Variants in MSH3 observed in about 807,000 individuals in gnomAD.
MSH3 encodes DNA mismatch repair protein Msh3.
Under a neutral mutation model 123.3 loss-of-function variants are expected in MSH3, and 106 were observed. That is an observed-to-expected ratio of 0.86 (90% CI 0.73 to 1.01). The LOEUF (loss-of-function observed/expected upper bound fraction) is 1.01, where lower values mean the gene tolerates loss of function less well. MSH3 is among the 50% of genes least tolerant of loss of function. The probability of loss-of-function intolerance (pLI) is 0.00; values close to 1 mark genes in which losing one functional copy is unlikely to be tolerated. For missense variants in MSH3, 1,459 were observed against 1,347.6 expected (o/e 1.08, Z -1.29); for synonymous variants, 515 against 481.4 (o/e 1.07, Z -0.91).
At chr5:80,814,251 A>G (rs1311507232) in intron 20 of MSH3, among the ~76,000 whole-genome samples, 1 of 151,912 alleles carries the variant, frequency 6.6e-6, no homozygotes, top group African/African-American at 2.4e-5. Context: ...ATTTTTAATT[A>G]TTGAGTTATT....
At chr5:80,848,649 AC>A (rs1215768066) in intron 20 of MSH3, among the ~76,000 whole-genome samples, 2 of 152,184 alleles carry the variant, frequency 1.3e-5, no homozygotes, top group African/African-American at 4.8e-5. Flanking sequence ...CGTTTTTAAA[AC>A]TATCAGATCT....
chr5:80,697,750 T>G (rs1163259933), intron 8 of MSH3, among the ~76,000 whole-genome samples: 1 of 152,090 alleles, frequency 6.6e-6, no homozygotes, highest in Admixed American at 6.6e-5. Flanking sequence ...TATAGATGAA[T>G]TTGAAGCCCA....
In MSH3 at chr5:80,779,924, G is replaced by A. The variant is rs780182436; in HGVS notation, c.2435+1088G>A. ...TCTTGAATTTTCCCAATGTCCCCCC[G>A]CCACCGGCTTTAGATTTTAAAATGA... On this transcript the variant is annotated intron_variant, in intron 17 of 23. Coordinates refer to ENST00000265081, the MANE Select transcript of MSH3 (RefSeq NM_002439.5). 5.3e-5 allele frequency among the ~76,000 whole-genome samples: 8 copies of A among 151,908 alleles called. No individual in the cohort carries two copies. In the East Asian group the frequency reaches 7.7e-4, roughly 15 times the overall value.
intron 12 of MSH3, among the ~76,000 whole-genome samples, chr5:80,749,864 C>T (rs1041746718): frequency 6.6e-6 from 1 of 152,068 alleles, no homozygotes; most frequent in Non-Finnish European, 1.5e-5. Flanking sequence ...TCTCTTTTCC[C>T]CATCTACCCT....
At chr5:80,779,755 G>A (rs913660696) in intron 17 of MSH3, among the ~76,000 whole-genome samples, 7 of 151,120 alleles carry the variant, frequency 4.6e-5, no homozygotes, top group Non-Finnish European at 1.5e-5. Flanking sequence ...TAATAGAGAC[G>A]GGGTTTCACC....
chr5:80,827,207 T>C (rs1036122509), intron 20 of MSH3, among the ~76,000 whole-genome samples: 1 of 152,222 alleles, frequency 6.6e-6, no homozygotes, highest in Admixed American at 6.5e-5. Context: ...TCTCTCAGCA[T>C]AATTTATTTC....
intron 8 of MSH3, among the ~76,000 whole-genome samples, chr5:80,706,933 G>A (rs1243227120): frequency 1.3e-5 from 2 of 152,066 alleles, no homozygotes; most frequent in Non-Finnish European, 2.9e-5. Flanking sequence ...AATCAATTTT[G>A]ACAGATACAC....
At chr5:80,862,953 A>T (rs1281696726) in intron 21 of MSH3, among the ~76,000 whole-genome samples, 2 of 152,240 alleles carry the variant, frequency 1.3e-5, no homozygotes, top group Non-Finnish European at 2.9e-5. Flanking sequence ...ATAGATTATA[A>T]AACCTTTGGA....
chr5:80,745,235 C>A (rs552629825), intron 12 of MSH3, among the ~76,000 whole-genome samples: 1 of 152,258 alleles, frequency 6.6e-6, no homozygotes, highest in South Asian at 2.1e-4. Context: ...GTCCAGCCCC[C>A]ATAGATTGTG....
chr5:80,783,367 A>G (rs1249105872), intron 17 of MSH3, among the ~76,000 whole-genome samples: 1 of 152,190 alleles, frequency 6.6e-6, no homozygotes, highest in Non-Finnish European at 1.5e-5. Flanking sequence ...TTTTCTAAGT[A>G]TGGATAATCT....
intron 19 of MSH3, among the ~76,000 whole-genome samples, chr5:80,808,858 C>CATATATATATATATATATATATATATAT (rs747818551): frequency 3.6e-4 from 24 of 65,876 alleles, no homozygotes; most frequent in South Asian, 7.6e-4. Flanking sequence ...ATATCTTCTT[C>CATATATATATATATATATATATATATAT]ATATATATAT....
At chr5:80,794,966 C>T (rs1744672563) in intron 19 of MSH3, among the ~76,000 whole-genome samples, 1 of 152,158 alleles carries the variant, frequency 6.6e-6, no homozygotes, top group Non-Finnish European at 1.5e-5. Flanking sequence ...AACAAACAGC[C>T]AGCCAGTTTT....
chr5:80,671,916 C>G (rs1190090423), intron 4 of MSH3, among the ~76,000 whole-genome samples: 1 of 152,168 alleles, frequency 6.6e-6, no homozygotes, highest in East Asian at 1.9e-4. Flanking sequence ...AATTCTTACT[C>G]TTTTACAGTC....
At chr5:80,806,951 C>G in intron 19 of MSH3, among the ~76,000 whole-genome samples, 1 of 151,926 alleles carries the variant, frequency 6.6e-6, no homozygotes, top group Non-Finnish European at 1.5e-5. Context: ...ATCTGTAATC[C>G]CAGGACATTG....
chr5:80,770,712 C>T (rs564202037), intron 15 of MSH3, among the ~76,000 whole-genome samples: 1 of 152,238 alleles, frequency 6.6e-6, no homozygotes, highest in South Asian at 2.1e-4. Context: ...CAAATATTAA[C>T]ACAAAGATTC....
At chr5:80,663,314 A>G (rs565866037) in intron 2 of MSH3, among the ~76,000 whole-genome samples, 7 of 152,346 alleles carry the variant, frequency 4.6e-5, no homozygotes, top group African/African-American at 1.2e-4. Flanking sequence ...TTTAGCAGCT[A>G]TCAGGTAAAA....
In MSH3 at chr5:80,744,528, GT is replaced by G. The variant is rs1452382399; in HGVS notation, c.1679del (p.Leu560CysfsTer5). On this transcript the variant is annotated frameshift_variant, in exon 12 of 24. Transcript: ENST00000265081. LOFTEE classifies it high-confidence loss of function. Reference sequence around the variant, plus strand: ...TAGACTGATATGAAAACCAAAGGAAGTTTGCTGTGGGTTTTAGACCACACTA... The same window carrying G: ...TAGACTGATATGAAAACCAAAGGAAGTTGCTGTGGGTTTTAGACCACACTA... ...QNQTDMKTKG[S>X]LLWVLDHTKT... is the part of the protein sequence containing the mutation. 8 of 1,613,706 alleles carry G rather than the reference GT, an allele frequency of 5.0e-6. No homozygotes were observed. In the South Asian group the frequency reaches 7.7e-5, roughly 16 times the overall value.
chr5:80,733,786 T>C (rs1455093590), intron 10 of MSH3, among the ~76,000 whole-genome samples: 4 of 151,964 alleles, frequency 2.6e-5, no homozygotes, highest in Non-Finnish European at 4.4e-5. Context: ...CACTTCATAC[T>C]CACTAGGATG....
At chr5:80,684,664 T>C (rs1750044528) in intron 8 of MSH3, among the ~76,000 whole-genome samples, 1 of 152,170 alleles carries the variant, frequency 6.6e-6, no homozygotes, top group African/African-American at 2.4e-5. Flanking sequence ...ATGCCCTTTA[T>C]TTCTTTGTCT....
Sources: allele counts gnomAD v4.1 joint callset (sites outside exome capture counted in the v4.1 genomes callset), GRCh38; gene constraint gnomAD v4.1.1; transcripts MANE v1.5; gene names NCBI Gene and HGNC (gene_info 2026-07-23, HGNC 2026-07-21).